The following ARID4B variants were observed in gnomAD, a reference collection of about 807,000 sequenced individuals.
The protein encoded by ARID4B is AT-rich interaction domain 4B.
ARID4B carries 26 observed loss-of-function variants against 147.5 expected under a neutral mutation model. The ratio of observed to expected loss-of-function variants is 0.18; its 90% CI spans 0.13 to 0.24. The LOEUF (loss-of-function observed/expected upper bound fraction) is 0.24, where lower values mean the gene tolerates loss of function less well. Among genes scored for constraint, ARID4B ranks in the 10% least tolerant of loss-of-function variants. The pLI is 1.00. For synonymous variants in ARID4B, 512 were observed against 507.9 expected, an observed-to-expected ratio of 1.01 and a Z score of -0.11; for missense variants, 1,179 against 1,511.5, an observed-to-expected ratio of 0.78 and a Z score of 3.65.
At position 235,179,504 on chromosome 1, in the gene ARID4B, C is replaced by T. The variant is rs888471697; in HGVS notation, c.3335-1591G>A. ...CACCACTGCACTCCAGCCTGGGCAA[C>T]AAGAGCAAAACTCTATGTCTCAAAA... On this transcript the variant is annotated intron_variant, in intron 20 of 23. Coordinates refer to ENST00000264183, the MANE Select transcript of ARID4B (RefSeq NM_016374.6). 5.0e-5 allele frequency among the ~76,000 whole-genome samples: 4 copies of T among 79,552 alleles called. No homozygotes were observed. The Admixed American group carries it at 8.2e-4, about 16-fold the overall frequency. The allele number at this position is 79,552 out of a possible 152,430, so 52.2% of individuals were successfully genotyped here. A position where few individuals can be genotyped will look rare whatever the true frequency, so the allele number is the denominator to read the frequency against.
At chr1:235,302,368 C>A (rs569713654) in intron 2 of ARID4B, among the ~76,000 whole-genome samples, 1 of 149,720 alleles carries the variant, frequency 6.7e-6, no homozygotes, top group South Asian at 2.1e-4. Context: ...GGAGTGGGGA[C>A]AGAAAGACAG....
chr1:235,255,261 AGATATATATCTCTC>A (rs1669892868), intron 5 of ARID4B, among the ~76,000 whole-genome samples: 2 of 121,316 alleles, frequency 1.6e-5, no homozygotes, highest in African/African-American at 6.6e-5. Context: ...ATAGATAGAT[AGATATATATCTCTC>A]TCTCTCTCTC....
At chr1:235,173,935 T>C (rs986000250) in intron 22 of ARID4B, among the ~76,000 whole-genome samples, 2 of 150,034 alleles carry the variant, frequency 1.3e-5, no homozygotes, top group African/African-American at 4.9e-5. Context: ...CCAGCTTCAG[T>C]AATCATCAAT....
chr1:235,231,268 C>T, intron 9 of ARID4B, 79 bp from the exon 10 acceptor site: 4 of 749,238 alleles, frequency 5.3e-6, no homozygotes, highest in Non-Finnish European at 8.6e-6. Context: ...CAGATGATTA[C>T]ATATCACAGA....
chr1:235,195,971 T>A, intron 18 of ARID4B, 60 bp downstream of exon 18: 1 of 989,362 alleles, frequency 1.0e-6, no homozygotes, highest in East Asian at 2.4e-5. Flanking sequence ...TTTAATTGCA[T>A]CATTTGGAGG....
intron 10 of ARID4B, among the ~76,000 whole-genome samples, 192 bp downstream of exon 10, chr1:235,230,918 CAAA>C (rs758639309): frequency 1.7e-5 from 2 of 115,244 alleles, no homozygotes; most frequent in Non-Finnish European, 1.9e-5. Context: ...ACTCTGTCTC[CAAA>C]AAAAAAAAAG....
At chr1:235,280,749 A>C (rs1671613333) in intron 2 of ARID4B, among the ~76,000 whole-genome samples, 1 of 152,226 alleles carries the variant, frequency 6.6e-6, no homozygotes, top group African/African-American at 2.4e-5. Flanking sequence ...CCTGTGACCT[A>C]GGGAGTCGCC....
chr1:235,282,331 T>G (rs1433881652), intron 2 of ARID4B, among the ~76,000 whole-genome samples: 1 of 152,216 alleles, frequency 6.6e-6, no homozygotes, highest in Non-Finnish European at 1.5e-5. Flanking sequence ...TGTCTCTAAC[T>G]TACAAAAAGT....
chr1:235,296,512 C>G (rs577977163), intron 2 of ARID4B, among the ~76,000 whole-genome samples: 129 of 151,966 alleles, frequency 8.5e-4, no homozygotes, highest in Non-Finnish European at 1.5e-3. Context: ...CACTCTATCA[C>G]CCAGGCTAGG....
chr1:235,224,348 G>A (rs898429157), intron 12 of ARID4B, among the ~76,000 whole-genome samples: 3 of 152,108 alleles, frequency 2.0e-5, no homozygotes, highest in African/African-American at 7.2e-5. Context: ...GATTAAATAA[G>A]CTGAGCCAAG....
chr1:235,275,516 T>C (rs1671266109), intron 2 of ARID4B, among the ~76,000 whole-genome samples: 2 of 152,182 alleles, frequency 1.3e-5, no homozygotes, highest in African/African-American at 4.8e-5. Flanking sequence ...TAGCTAGCCT[T>C]AGTTCCTGCT....
intron 7 of ARID4B, among the ~76,000 whole-genome samples, chr1:235,241,411 C>A (rs1668969083): frequency 6.6e-6 from 1 of 152,112 alleles, no homozygotes; most frequent in Admixed American, 6.5e-5. Flanking sequence ...ATTTAGTATA[C>A]TATCTAGTAT....
At chr1:235,198,124 T>G (rs1187962924) in intron 17 of ARID4B, among the ~76,000 whole-genome samples, 1 of 152,204 alleles carries the variant, frequency 6.6e-6, no homozygotes, top group African/African-American at 2.4e-5. Context: ...TGAGAGAAAC[T>G]GAAGTCAGTT....
At chr1:235,220,165 A>G in intron 15 of ARID4B, 137 bp downstream of exon 15, 1 of 898,868 alleles carries the variant, frequency 1.1e-6, no homozygotes, top group Non-Finnish European at 1.5e-6. Flanking sequence ...TAAAAATTAT[A>G]CAAAAGTAGC....
intron 2 of ARID4B, among the ~76,000 whole-genome samples, chr1:235,295,459 G>A (rs145352382): frequency 0.031 from 4,588 of 145,740 alleles, 93 homozygotes; most frequent in Non-Finnish European, 0.043. Context: ...GTAGTGAGCC[G>A]AGATCATGCC....
intron 17 of ARID4B, among the ~76,000 whole-genome samples, chr1:235,206,680 G>A (rs2102991670): frequency 6.6e-6 from 1 of 152,288 alleles, no homozygotes; most frequent in Non-Finnish European, 1.5e-5. Context: ...TCAACTGACT[G>A]TAAAGCCACT....
intron 2 of ARID4B, among the ~76,000 whole-genome samples, chr1:235,274,272 G>A (rs981785050): frequency 1.3e-5 from 2 of 152,078 alleles, no homozygotes; most frequent in Non-Finnish European, 2.9e-5. Context: ...TACTTGGGAG[G>A]TTGAGGCAGA....
At chr1:235,272,818 TAA>T (rs1671078998) in intron 2 of ARID4B, among the ~76,000 whole-genome samples, 1 of 121,710 alleles carries the variant, frequency 8.2e-6, no homozygotes, top group Non-Finnish European at 1.9e-5. Flanking sequence ...ATGTCTATAT[TAA>T]TTTATTATTA....
chr1:235,305,748 G>A (rs151130709), intron 2 of ARID4B, among the ~76,000 whole-genome samples: 1,561 of 152,156 alleles, frequency 0.01, 25 homozygotes, highest in African/African-American at 0.033. Flanking sequence ...CACTTGAACC[G>A]GGGAGTTCAA....
Sources: gnomAD v4.1 joint callset for allele counts (sites outside exome capture counted in the v4.1 genomes callset) on GRCh38, gnomAD v4.1.1 for gene constraint, MANE v1.5 for transcripts, NCBI Gene and HGNC (gene_info 2026-07-23, HGNC 2026-07-21) for gene names.